The following KCNQ3 variants were observed in gnomAD, a reference collection of about 807,000 sequenced individuals.
The protein encoded by KCNQ3 is potassium voltage-gated channel subfamily Q member 3, also known as potassium voltage-gated channel subfamily KQT member 3.
In KCNQ3, 30 loss-of-function variants were observed where a neutral mutation model predicts 92.5. That is an observed-to-expected ratio of 0.32 (90% CI 0.24 to 0.44). The LOEUF (loss-of-function observed/expected upper bound fraction) is 0.44, where lower values mean the gene tolerates loss of function less well. Ranked by LOEUF, KCNQ3 falls within the 20% of genes least tolerant of loss-of-function variation. The probability of loss-of-function intolerance (pLI) is 1.00; values close to 1 mark genes in which losing one functional copy is unlikely to be tolerated. For missense variants in KCNQ3, 913 were observed against 1,140.3 expected (o/e 0.80, Z 2.87); for synonymous variants, 450 against 468.8 (o/e 0.96, Z 0.52).
chr8:132,412,345 G>A (rs1820674134), intron 1 of KCNQ3, among the ~76,000 whole-genome samples: 2 of 151,180 alleles, frequency 1.3e-5, no homozygotes, highest in Admixed American at 1.3e-4. Flanking sequence ...CTCCCCTTCT[G>A]GGTGATTCTG....
chr8:132,356,107 T>A (rs530082795), intron 1 of KCNQ3, among the ~76,000 whole-genome samples: 1 of 152,206 alleles, frequency 6.6e-6, no homozygotes, highest in Non-Finnish European at 1.5e-5. Context: ...ACAGGGCCAT[T>A]GGTGGATCTC....
intron 1 of KCNQ3, among the ~76,000 whole-genome samples, chr8:132,377,062 T>C (rs1488745746): frequency 6.6e-6 from 1 of 152,224 alleles, no homozygotes; most frequent in African/African-American, 2.4e-5. Flanking sequence ...AGACAGCTGG[T>C]AAAACATAAT....
At chr8:132,361,055 A>G (rs551802608) in intron 1 of KCNQ3, among the ~76,000 whole-genome samples, 1 of 152,220 alleles carries the variant, frequency 6.6e-6, no homozygotes, top group East Asian at 1.9e-4. Context: ...CCACCCTCTC[A>G]TCTAATAACC....
intron 1 of KCNQ3, among the ~76,000 whole-genome samples, chr8:132,453,426 G>A (rs533933347): frequency 6.6e-6 from 1 of 152,162 alleles, no homozygotes; most frequent in Non-Finnish European, 1.5e-5. Flanking sequence ...CTGAGAGGTC[G>A]GGCTGCCTGG....
intron 1 of KCNQ3, among the ~76,000 whole-genome samples, chr8:132,295,176 T>G (rs1003579172): frequency 2.0e-5 from 3 of 152,110 alleles, no homozygotes; most frequent in African/African-American, 7.2e-5. Context: ...ACAAGGAACT[T>G]AAACAAATTT....
intron 9 of KCNQ3, among the ~76,000 whole-genome samples, chr8:132,146,811 A>T: frequency 6.6e-6 from 1 of 152,122 alleles, no homozygotes; most frequent in African/African-American, 2.4e-5. Flanking sequence ...TTAGTTTCAA[A>T]CAAGCCTGGC....
chr8:132,162,337 T>C (rs979803054), intron 9 of KCNQ3, among the ~76,000 whole-genome samples: 1 of 152,208 alleles, frequency 6.6e-6, no homozygotes, highest in Admixed American at 6.5e-5. Flanking sequence ...TATAAACCTG[T>C]TGGTCATGAA....
At chr8:132,191,254 C>T (rs956253133) in intron 1 of KCNQ3, among the ~76,000 whole-genome samples, 1 of 152,122 alleles carries the variant, frequency 6.6e-6, no homozygotes, top group East Asian at 1.9e-4. Flanking sequence ...TCAAGTGATC[C>T]TCCCATCTGT....
intron 9 of KCNQ3, among the ~76,000 whole-genome samples, chr8:132,155,116 C>T (rs1468742725): frequency 6.6e-6 from 1 of 152,160 alleles, no homozygotes; most frequent in Non-Finnish European, 1.5e-5. Context: ...CCCTGTGTCT[C>T]TAACATCTCC....
chr8:132,133,181 A>T (rs562755709), intron 13 of KCNQ3, among the ~76,000 whole-genome samples: 1 of 152,262 alleles, frequency 6.6e-6, no homozygotes, highest in Non-Finnish European at 1.5e-5. Context: ...CCCTAAAAGA[A>T]GGTAGGGCGC....
rs10691178 is a variant in KCNQ3 at position 132,364,694 on chromosome 8, CGGAT to C, written c.386+115449_386+115452del. On this transcript the variant is annotated intron_variant, in intron 1 of 14. Transcript: ENST00000388996. Reference sequence around the variant, plus strand: ...ATGGACGGACGGACGGACGGACGGACGGATGGATGGATGGATGGATGGATGGACG... The same window carrying C: ...ATGGACGGACGGACGGACGGACGGACGGATGGATGGATGGATGGATGGACG... Among the ~76,000 whole-genome samples the C allele has an allele frequency of 6.7e-3, 919 of 138,036 alleles. 4 individuals carry two copies. Among genetic ancestry groups the C allele is most frequent in the South Asian group, 0.011 (42 of 3,714 alleles). The allele number at this position is 138,036 out of a possible 152,430, so 90.6% of individuals were successfully genotyped here.
intron 1 of KCNQ3, among the ~76,000 whole-genome samples, chr8:132,348,382 T>C (rs1186813617): frequency 6.6e-6 from 1 of 152,088 alleles, no homozygotes; most frequent in Non-Finnish European, 1.5e-5. Flanking sequence ...GTGAAATAAA[T>C]AGTATTTACA....
chr8:132,255,980 A>G (rs913372550), intron 1 of KCNQ3, among the ~76,000 whole-genome samples: 4 of 151,622 alleles, frequency 2.6e-5, no homozygotes, highest in Non-Finnish European at 5.9e-5. Context: ...AAGAAAATAA[A>G]CAAACCAAAA....
intron 1 of KCNQ3, among the ~76,000 whole-genome samples, chr8:132,237,433 G>C (rs750622439): frequency 6.6e-6 from 1 of 152,168 alleles, no homozygotes. Flanking sequence ...TGCAGCTGAA[G>C]ATATTTAGGA....
At chr8:132,150,748 G>A (rs1392838575) in intron 9 of KCNQ3, among the ~76,000 whole-genome samples, 1 of 151,990 alleles carries the variant, frequency 6.6e-6, no homozygotes, top group Non-Finnish European at 1.5e-5. Flanking sequence ...GTACCTGGAG[G>A]TCAATAATCC....
intron 1 of KCNQ3, among the ~76,000 whole-genome samples, chr8:132,218,527 G>A (rs1191630141): frequency 6.6e-6 from 1 of 152,188 alleles, no homozygotes; most frequent in East Asian, 1.9e-4. Context: ...TTTATAAAGA[G>A]AATAAGGCTT....
chr8:132,295,549 A>G (rs867338978), intron 1 of KCNQ3, among the ~76,000 whole-genome samples: 4 of 152,208 alleles, frequency 2.6e-5, no homozygotes, highest in South Asian at 2.1e-4. Context: ...ACCCAAAGGA[A>G]TATAAATCAT....
intron 1 of KCNQ3, among the ~76,000 whole-genome samples, chr8:132,413,679 C>T (rs1342554410): frequency 1.3e-5 from 2 of 152,214 alleles, no homozygotes; most frequent in Non-Finnish European, 2.9e-5. Context: ...CAGACGTTGT[C>T]AAGGACACCG....
chr8:132,393,073 C>T (rs1484236438), intron 1 of KCNQ3, among the ~76,000 whole-genome samples: 2 of 152,166 alleles, frequency 1.3e-5, no homozygotes, highest in Non-Finnish European at 2.9e-5. Context: ...TGAATTGTTA[C>T]TGCTCTCCTA....
Sources: gnomAD v4.1 joint callset for allele counts (sites outside exome capture counted in the v4.1 genomes callset) on GRCh38, gnomAD v4.1.1 for gene constraint, MANE v1.5 for transcripts, NCBI Gene and HGNC (gene_info 2026-07-23, HGNC 2026-07-21) for gene names.